Variants in SKAP1 observed in about 807,000 individuals in gnomAD.
SKAP1 encodes src kinase-associated phosphoprotein 1.
In SKAP1, 44 loss-of-function variants were observed where a neutral mutation model predicts 58.5. The ratio of observed to expected loss-of-function variants is 0.75; its 90% confidence interval spans 0.59 to 0.97. The LOEUF (loss-of-function observed/expected upper bound fraction) is 0.97, where lower values mean the gene tolerates loss of function less well. Among genes scored for constraint, SKAP1 ranks in the 50% least tolerant of loss-of-function variants. The probability of loss-of-function intolerance (pLI) is 0.00; values close to 1 mark genes in which losing one functional copy is unlikely to be tolerated. For synonymous variants in SKAP1, 127 were observed against 149.7 expected, an observed-to-expected ratio of 0.85 and a Z score of 1.11; for missense variants, 390 against 435.2, an observed-to-expected ratio of 0.90 and a Z score of 0.92.
chr17:48,282,862 T>C lies in SKAP1; in HGVS notation c.280+63043A>G, dbSNP rs113526403. ...CACATTTTTGTGCTCCTCTGATAAATGCAAACCCACCCATCTGAGGGAACA... is the reference window on the plus strand; with the variant it reads ...CACATTTTTGTGCTCCTCTGATAAACGCAAACCCACCCATCTGAGGGAACA... On this transcript the variant is annotated intron_variant, in intron 4 of 12. Coordinates refer to ENST00000336915, the MANE Select transcript of SKAP1 (RefSeq NM_003726.4). Among the ~76,000 whole-genome samples the C allele has an allele frequency of 4.0e-3, 607 of 151,958 alleles. 8 individuals are homozygous for C. The highest frequency in any genetic ancestry group is 0.014 in the African/African-American group (581 of 41,462).
intron 1 of SKAP1, among the ~76,000 whole-genome samples, chr17:48,401,873 T>C (rs1367123974): frequency 1.3e-5 from 2 of 152,180 alleles, no homozygotes; most frequent in Admixed American, 1.3e-4. Flanking sequence ...GCAAATCATA[T>C]AGCTGATGAA....
chr17:48,138,915 G>T (rs1166791639), intron 11 of SKAP1, among the ~76,000 whole-genome samples: 1 of 151,184 alleles, frequency 6.6e-6, no homozygotes, highest in Non-Finnish European at 1.5e-5. Context: ...TTGAGACAGA[G>T]TCTCACTCTG....
At chr17:48,232,835 A>G (rs1261097212) in intron 4 of SKAP1, among the ~76,000 whole-genome samples, 1 of 152,202 alleles carries the variant, frequency 6.6e-6, no homozygotes, top group Non-Finnish European at 1.5e-5. Context: ...TGCATAGGAA[A>G]GCTACAAACA....
chr17:48,394,335 G>A (rs2067388488), intron 2 of SKAP1, among the ~76,000 whole-genome samples: 1 of 151,928 alleles, frequency 6.6e-6, no homozygotes, highest in Non-Finnish European at 1.5e-5. Context: ...TTTGCCGTAT[G>A]TTTATTTTTT....
intron 4 of SKAP1, among the ~76,000 whole-genome samples, chr17:48,293,044 C>G (rs956126983): frequency 1.3e-5 from 2 of 152,044 alleles, no homozygotes; most frequent in Admixed American, 1.3e-4. Context: ...ATTAAAGGCT[C>G]AAACTTAAGA....
intron 11 of SKAP1, among the ~76,000 whole-genome samples, chr17:48,159,770 G>T (rs530948671): frequency 6.6e-6 from 1 of 152,164 alleles, no homozygotes; most frequent in African/African-American, 2.4e-5. Flanking sequence ...GAATAGATTG[G>T]GTGGCCTTTT....
At chr17:48,411,315 G>A (rs987150167) in intron 1 of SKAP1, among the ~76,000 whole-genome samples, 16 of 151,730 alleles carry the variant, frequency 1.1e-4, no homozygotes, top group African/African-American at 3.9e-4. Context: ...CAGGAGAATT[G>A]TTTGAACCCA....
At chr17:48,439,138 C>G in the SKAP1 span, among the ~76,000 whole-genome samples, 1 of 152,264 alleles carries the variant, frequency 6.6e-6, no homozygotes, top group East Asian at 1.9e-4. Context: ...AAGAAAAGTG[C>G]CTTGTGGATC....
intron 4 of SKAP1, among the ~76,000 whole-genome samples, chr17:48,323,750 G>T (rs1282884281): frequency 6.6e-6 from 1 of 151,992 alleles, no homozygotes; most frequent in African/African-American, 2.4e-5. Flanking sequence ...AGATACATAG[G>T]AAGGCCTGGA....
chr17:48,201,531 G>C (rs2064728230), intron 4 of SKAP1, among the ~76,000 whole-genome samples: 1 of 152,000 alleles, frequency 6.6e-6, no homozygotes, highest in South Asian at 2.1e-4. Context: ...TACTTGGTGT[G>C]CACCGCCACA....
At chr17:48,237,919 ATTT>A (rs34392180) in intron 4 of SKAP1, among the ~76,000 whole-genome samples, 13 of 145,562 alleles carry the variant, frequency 8.9e-5, no homozygotes, top group Admixed American at 2.0e-4. Flanking sequence ...TTTGGTTCAG[ATTT>A]TTTTTTTTTT....
At chr17:48,402,408 C>A (rs2067510386) in intron 1 of SKAP1, among the ~76,000 whole-genome samples, 2 of 151,606 alleles carry the variant, frequency 1.3e-5, no homozygotes, top group South Asian at 2.1e-4. Flanking sequence ...CAGCTCACTG[C>A]AACCTCTGCC....
At chr17:48,139,783 T>C (rs1043374859) in intron 11 of SKAP1, among the ~76,000 whole-genome samples, 3 of 152,116 alleles carry the variant, frequency 2.0e-5, no homozygotes, top group Non-Finnish European at 4.4e-5. Context: ...AGAGAAGCCA[T>C]CAGATTTGTC....
At chr17:48,162,597 T>C in intron 10 of SKAP1, 28 bp from the exon 11 acceptor site, 1 of 1,559,302 alleles carries the variant, frequency 6.4e-7, no homozygotes, top group Non-Finnish European at 8.8e-7. Flanking sequence ...AAATCAAAGT[T>C]AAAAGGACTC....
At chr17:48,155,367 A>G (rs2063961547) in intron 11 of SKAP1, among the ~76,000 whole-genome samples, 1 of 151,154 alleles carries the variant, frequency 6.6e-6, no homozygotes, top group South Asian at 2.1e-4. Flanking sequence ...ACCTCAGGCA[A>G]TCCACCTGCC....
intron 4 of SKAP1, among the ~76,000 whole-genome samples, chr17:48,261,119 C>G (rs938817912): frequency 6.6e-6 from 1 of 152,152 alleles, no homozygotes; most frequent in Non-Finnish European, 1.5e-5. Flanking sequence ...ACCCCTAAGT[C>G]TGCAAGTCCT....
chr17:48,433,833 G>A (rs149153856), upstream of SKAP1, among the ~76,000 whole-genome samples: 1 of 152,284 alleles, frequency 6.6e-6, no homozygotes, highest in African/African-American at 2.4e-5. Flanking sequence ...AGCTTCTTGG[G>A]AATGCTGTCT....
chr17:48,329,825 C>T (rs1353074045), intron 4 of SKAP1, among the ~76,000 whole-genome samples: 1 of 152,088 alleles, frequency 6.6e-6, no homozygotes, highest in Non-Finnish European at 1.5e-5. Flanking sequence ...CCTGCCTCTG[C>T]CCCCTTATTA....
intron 4 of SKAP1, among the ~76,000 whole-genome samples, chr17:48,264,638 G>T (rs1344422222): frequency 2.0e-5 from 3 of 151,848 alleles, no homozygotes; most frequent in Non-Finnish European, 4.4e-5. Flanking sequence ...GAGGGAAAAG[G>T]GAGTAGAAAA....
Sources: gnomAD v4.1 joint callset for allele counts (sites outside exome capture counted in the v4.1 genomes callset) on GRCh38, gnomAD v4.1.1 for gene constraint, MANE v1.5 for transcripts, NCBI Gene and HGNC (gene_info 2026-07-23, HGNC 2026-07-21) for gene names.